SCMH1: variants seen among roughly 807,000 people sequenced by gnomAD.
The protein encoded by SCMH1 is Scm polycomb group protein homolog 1.
SCMH1 carries 37 observed loss-of-function variants against 70.8 expected under a neutral mutation model. The ratio of observed to expected loss-of-function variants is 0.52; its 90% confidence interval spans 0.40 to 0.69. The LOEUF (loss-of-function observed/expected upper bound fraction) is 0.69, where lower values mean the gene tolerates loss of function less well. Among genes scored for constraint, SCMH1 ranks in the 30% least tolerant of loss-of-function variants. SCMH1 has a pLI of 0.00. For missense variants in SCMH1, 607 were observed against 827.3 expected, an observed-to-expected ratio of 0.73 and a Z score of 3.27; for synonymous variants, 292 against 307.4, an observed-to-expected ratio of 0.95 and a Z score of 0.52.
chr1:41,029,460 A>G (rs1644218868), intron 13 of SCMH1, among the ~76,000 whole-genome samples: 1 of 152,160 alleles, frequency 6.6e-6, no homozygotes, highest in South Asian at 2.1e-4. Context: ...GTGGCCTCCC[A>G]AAGTGCTGGG....
intron 1 of SCMH1, among the ~76,000 whole-genome samples, chr1:41,202,734 G>A (rs1334884869): frequency 2.0e-5 from 3 of 152,034 alleles, no homozygotes; most frequent in Non-Finnish European, 4.4e-5. Flanking sequence ...GATGGGGAGG[G>A]AGGCTCCACT....
At chr1:41,124,371 A>G (rs748307347) in intron 6 of SCMH1, among the ~76,000 whole-genome samples, 1 of 152,166 alleles carries the variant, frequency 6.6e-6, no homozygotes, top group Non-Finnish European at 1.5e-5. Flanking sequence ...AAAACTGTTG[A>G]TTTTTAAATA....
intron 2 of SCMH1, among the ~76,000 whole-genome samples, chr1:41,172,309 A>T (rs1646841681): frequency 6.6e-6 from 1 of 152,094 alleles, no homozygotes; most frequent in Non-Finnish European, 1.5e-5. Flanking sequence ...GAACTAGTAA[A>T]AAAGAAATCA....
intron 2 of SCMH1, among the ~76,000 whole-genome samples, chr1:41,175,013 C>T (rs776950025): frequency 3.9e-5 from 6 of 152,148 alleles, no homozygotes; most frequent in East Asian, 1.9e-4. Flanking sequence ...GAAATACATA[C>T]GGATGCCGAG....
chr1:41,075,911 G>A (rs536194603), intron 8 of SCMH1, among the ~76,000 whole-genome samples: 2 of 152,338 alleles, frequency 1.3e-5, no homozygotes, highest in Admixed American at 1.3e-4. Flanking sequence ...CCATGCCAGG[G>A]ATTTTCTACA....
intron 1 of SCMH1, among the ~76,000 whole-genome samples, chr1:41,215,938 C>T (rs750551681): frequency 5.9e-5 from 9 of 152,086 alleles, no homozygotes; most frequent in African/African-American, 4.8e-5. Flanking sequence ...TTGGATATTA[C>T]AAAATATAAA....
At chr1:41,239,866 C>T (rs959968163) in intron 1 of SCMH1, among the ~76,000 whole-genome samples, 9 of 152,156 alleles carry the variant, frequency 5.9e-5, no homozygotes, top group African/African-American at 2.2e-4. Flanking sequence ...GAACTCCTGG[C>T]CTCAAAGAGT....
chr1:41,176,359 T>C (rs1020185726), intron 2 of SCMH1, among the ~76,000 whole-genome samples: 2 of 152,116 alleles, frequency 1.3e-5, no homozygotes, highest in African/African-American at 4.8e-5. Context: ...CATTTCCAAC[T>C]GAGGTACCGG....
intron 5 of SCMH1, 85 bp from the exon 6 acceptor site, chr1:41,143,197 G>A (rs1400145166): frequency 2.1e-6 from 2 of 965,962 alleles, no homozygotes; most frequent in African/African-American, 1.6e-5. Flanking sequence ...GTTATAGCTG[G>A]GCCAGGGACA....
At chr1:41,054,616 T>G (rs1165368336) in intron 10 of SCMH1, among the ~76,000 whole-genome samples, 3 of 152,196 alleles carry the variant, frequency 2.0e-5, no homozygotes, top group Non-Finnish European at 4.4e-5. Context: ...GCCTCACAGA[T>G]TCTTTGCCTT....
chr1:41,125,840 G>A (rs1673057415), intron 6 of SCMH1, among the ~76,000 whole-genome samples: 1 of 152,128 alleles, frequency 6.6e-6, no homozygotes. Context: ...GCTTCCCAAA[G>A]TGTTGGGATT....
rs1357750354 is a variant in SCMH1 at position 41,113,426 on chromosome 1, T to TC, written c.601dup (p.Glu201GlyfsTer12). On this transcript the variant is annotated frameshift_variant, in exon 8 of 15. Transcript: ENST00000337495. LOFTEE classifies it high-confidence loss of function. This position sits in a 1 kb window ranked among gnomAD's most constrained non-coding sequence, Gnocchi z 4.3. ...GACAAGCACCTCTGAGCCCCGAACC[T>TC]CCCCAATAGTGGCTGGGCAAATGAA... 1 of 1,613,984 alleles carries TC rather than the reference T, an allele frequency of 6.2e-7. No homozygotes were observed. Among genetic ancestry groups the TC allele is most frequent in the Admixed American group, 1.7e-5 (1 of 60,010 alleles).
At chr1:41,154,387 C>G (rs899069645) in intron 4 of SCMH1, among the ~76,000 whole-genome samples, 3 of 152,180 alleles carry the variant, frequency 2.0e-5, no homozygotes, top group African/African-American at 7.2e-5. Context: ...AGCTAACTAT[C>G]TTGGGTAAAT....
chr1:41,074,758 G>C (rs935677091), intron 9 of SCMH1, among the ~76,000 whole-genome samples: 5 of 152,124 alleles, frequency 3.3e-5, no homozygotes, highest in Non-Finnish European at 7.4e-5. Flanking sequence ...GTAGCAAGTA[G>C]GGATGACGGT....
chr1:41,051,493 A>G (rs1648127780), intron 10 of SCMH1, among the ~76,000 whole-genome samples: 1 of 152,216 alleles, frequency 6.6e-6, no homozygotes, highest in Non-Finnish European at 1.5e-5. Flanking sequence ...ACGGGATGAC[A>G]GCTCCATGCA....
intron 6 of SCMH1, among the ~76,000 whole-genome samples, chr1:41,118,886 G>A (rs1671205567): frequency 6.6e-6 from 1 of 152,198 alleles, no homozygotes; most frequent in Non-Finnish European, 1.5e-5. Flanking sequence ...AAGCTGCAAA[G>A]CTGGAAATAA....
chr1:41,230,613 G>A (rs917058383), intron 1 of SCMH1, among the ~76,000 whole-genome samples: 17 of 151,296 alleles, frequency 1.1e-4, no homozygotes, highest in Admixed American at 3.3e-4. Context: ...AGCTATGATC[G>A]CATCACTGCA....
chr1:41,236,712 T>G (rs1416068659), intron 1 of SCMH1, among the ~76,000 whole-genome samples: 2 of 152,186 alleles, frequency 1.3e-5, no homozygotes, highest in Non-Finnish European at 2.9e-5. Flanking sequence ...CACATCCTCC[T>G]ATGTATTTTA....
intron 1 of SCMH1, among the ~76,000 whole-genome samples, chr1:41,197,464 C>T (rs1400457402): frequency 6.6e-6 from 1 of 152,116 alleles, no homozygotes; most frequent in African/African-American, 2.4e-5. Flanking sequence ...CTGTACGATT[C>T]TACTTACAGG....
Sources: allele counts gnomAD v4.1 joint callset (sites outside exome capture counted in the v4.1 genomes callset), GRCh38; gene constraint gnomAD v4.1.1; non-coding constraint Gnocchi (gnomAD v3.1); transcripts MANE v1.5; gene names NCBI Gene and HGNC (gene_info 2026-07-23, HGNC 2026-07-21).